The following L3MBTL4 variants were observed in gnomAD, a reference collection of about 807,000 sequenced individuals.
The protein encoded by L3MBTL4 is L3MBTL histone methyl-lysine binding protein 4.
A neutral mutation model predicts 84.5 loss-of-function variants in L3MBTL4; 70 were observed. The ratio of observed to expected loss-of-function variants is 0.83; its 90% CI spans 0.68 to 1.01. The LOEUF (loss-of-function observed/expected upper bound fraction) is 1.01. Ranked by LOEUF, L3MBTL4 falls within the 50% of genes least tolerant of loss-of-function variation. L3MBTL4 has a pLI of 0.00. For missense variants in L3MBTL4, 715 were observed against 754.8 expected (o/e 0.95, Z 0.62); for synonymous variants, 274 against 259.8 (o/e 1.05, Z -0.52).
At chr18:6,391,491 G>C (rs1483522241) in intron 1 of L3MBTL4, among the ~76,000 whole-genome samples, 1 of 152,016 alleles carries the variant, frequency 6.6e-6, no homozygotes, top group Non-Finnish European at 1.5e-5. Context: ...ATAGCAATCA[G>C]ACAAGAGAAA....
chr18:6,354,815 C>G (rs2053360580), intron 1 of L3MBTL4, among the ~76,000 whole-genome samples: 1 of 152,068 alleles, frequency 6.6e-6, no homozygotes, highest in African/African-American at 2.4e-5. Context: ...AAAGGGAACC[C>G]TCGTATACTG....
At chr18:6,177,494 T>TA (rs1485929743) in intron 12 of L3MBTL4, among the ~76,000 whole-genome samples, 4 of 152,204 alleles carry the variant, frequency 2.6e-5, no homozygotes, top group Admixed American at 2.0e-4. Context: ...GCTTCTGTGT[T>TA]GTTGGAAGTG....
At chr18:6,312,983 T>C (rs1212971545) in intron 1 of L3MBTL4, among the ~76,000 whole-genome samples, 1 of 152,196 alleles carries the variant, frequency 6.6e-6, no homozygotes, top group Non-Finnish European at 1.5e-5. Flanking sequence ...TCGTCCTTTC[T>C]GACCCCACTA....
Position 6,309,276 on chromosome 18 carries a change from G to A in L3MBTL4, c.72+2278C>T, listed in dbSNP as rs1305250750. Among the ~76,000 whole-genome samples the A allele has an allele frequency of 3.3e-5, 5 of 152,162 alleles. 1 individual carries two copies. Among genetic ancestry groups the A allele is most frequent in the African/African-American group, 9.7e-5 (4 of 41,450 alleles). On this transcript the variant is annotated intron_variant, in intron 3 of 18. Transcript: ENST00000317931. ...GAATGCAGCCCCAGGTGTGAATACA[G>A]CCTACTGTATTAAACTGTTAAATCT...
chr18:6,397,475 A>G (rs2055321022), intron 1 of L3MBTL4: 1 of 152,310 alleles, frequency 6.6e-6, no homozygotes, highest in South Asian at 2.1e-4. Flanking sequence ...CACTGTCCGA[A>G]GAGCCCAAAT....
Position 6,215,841 on chromosome 18 carries a change from A to AAT in L3MBTL4, c.785-8_785-7dup, listed in dbSNP as rs113267878. ...ATTTTCTGGATTGGGATAACCTGAA[A>AAT]ATATATATATATAAATAGCAAAAGA... On this transcript the variant is annotated splice_polypyrimidine_tract_variant and splice_region_variant and intron_variant, in intron 10 of 18. Transcript: ENST00000317931. 180 of 1,463,442 alleles carry AAT rather than the reference A, an allele frequency of 1.2e-4. No individual in the cohort carries two copies. Among genetic ancestry groups the AAT allele is most frequent in the Middle Eastern group, 1.8e-4 (1 of 5,636 alleles). The allele number at this position is 1,463,442 out of a possible 1,614,324, so 90.7% of individuals were successfully genotyped here.
At chr18:6,140,234 C>T (rs573583645) in intron 13 of L3MBTL4, among the ~76,000 whole-genome samples, 1 of 152,186 alleles carries the variant, frequency 6.6e-6, no homozygotes, top group Non-Finnish European at 1.5e-5. Context: ...TCCTCAGCCC[C>T]TTCTGAGGGG....
rs34294575 is a variant in L3MBTL4, at chr18:6,346,103, AATATATATATATATATAT to A, written c.-90-34065_-90-34048del. Among the ~76,000 whole-genome samples the A allele has an allele frequency of 6.0e-4, 78 of 129,818 alleles. 1 individual carries two copies. Among genetic ancestry groups the A allele is most frequent in the Non-Finnish European group, 5.5e-4 (33 of 60,076 alleles). The allele number at this position is 129,818 out of a possible 152,430, so 85.2% of individuals were successfully genotyped here. A position where few individuals can be genotyped will look rare whatever the true frequency, so the allele number is the denominator to read the frequency against. On this transcript the variant is annotated intron_variant, in intron 1 of 18. Transcript: ENST00000317931. ...CAGTCTCTTCAAGAAATGATGTTGG[AATATATATATATATATAT>A]ATATATATATATGGATGTATATATG...
chr18:6,061,777 T>A (rs1341325201), intron 16 of L3MBTL4, among the ~76,000 whole-genome samples: 1 of 151,952 alleles, frequency 6.6e-6, no homozygotes, highest in Non-Finnish European at 1.5e-5. Flanking sequence ...ATATCAATTA[T>A]ACTTCTAAAT....
At chr18:6,099,959 G>A (rs770836813) in intron 14 of L3MBTL4, among the ~76,000 whole-genome samples, 14 of 152,016 alleles carry the variant, frequency 9.2e-5, no homozygotes, top group South Asian at 4.2e-4. Flanking sequence ...GTGAAATCCT[G>A]GATATTATAA....
At chr18:6,316,326 A>G (rs1172313865) in intron 1 of L3MBTL4, among the ~76,000 whole-genome samples, 1 of 152,068 alleles carries the variant, frequency 6.6e-6, no homozygotes, top group Non-Finnish European at 1.5e-5. Flanking sequence ...AGGGACACCA[A>G]CTCCTAGGGG....
intron 14 of L3MBTL4, among the ~76,000 whole-genome samples, chr18:6,136,711 G>A (rs1252545228): frequency 6.6e-6 from 1 of 152,162 alleles, no homozygotes; most frequent in Non-Finnish European, 1.5e-5. Context: ...TTCTGTAATG[G>A]GGATCTTGAG....
At chr18:6,187,164 T>C (rs1293654821) in intron 12 of L3MBTL4, among the ~76,000 whole-genome samples, 2 of 152,228 alleles carry the variant, frequency 1.3e-5, no homozygotes, top group African/African-American at 4.8e-5. Flanking sequence ...GATGCTTGTT[T>C]TTAGCATATA....
rs545675952 is a variant in L3MBTL4, at chr18:5,992,675, C to T, written c.1445-23113G>A. Among the ~76,000 whole-genome samples the T allele has an allele frequency of 1.4e-4, 21 of 152,254 alleles. No individual in the cohort carries two copies. In the South Asian group the frequency reaches 1.5e-3, roughly 11 times the overall value. On this transcript the variant is annotated intron_variant, in intron 16 of 18. Transcript: ENST00000317931. ...AGTGAGCTCTCACTCTGAGTTCACA[C>T]GAGATGTGGTCATTTAAAAGTGTGT...
intron 3 of L3MBTL4, among the ~76,000 whole-genome samples, 156 bp downstream of exon 3, chr18:6,311,398 T>C (rs1234747441): frequency 6.6e-6 from 1 of 151,752 alleles, no homozygotes; most frequent in Non-Finnish European, 1.5e-5. Flanking sequence ...AGAACACTTA[T>C]ATTCTATACC....
At chr18:6,277,238 GTAAC>G (rs1205511680) in intron 4 of L3MBTL4, among the ~76,000 whole-genome samples, 1 of 151,976 alleles carries the variant, frequency 6.6e-6, no homozygotes, top group Non-Finnish European at 1.5e-5. Flanking sequence ...GTATACATAT[GTAAC>G]TAACCTGCAC....
At position 6,070,674 on chromosome 18, in the gene L3MBTL4, C is replaced by CA. The variant is rs199705016; in HGVS notation, c.1444+10206dup. Among the ~76,000 whole-genome samples, 1,108 of 150,694 alleles carry CA rather than the reference C, an allele frequency of 7.4e-3. 9 individuals are homozygous for CA. Among genetic ancestry groups the CA allele is most frequent in the Non-Finnish European group, 8.9e-3 (603 of 67,650 alleles). On this transcript the variant is annotated intron_variant, in intron 16 of 18. Transcript: ENST00000317931. Reference sequence around the variant, plus strand: ...TTTACAAAAAACAAAAAACAAAAAACAAAAAAAACAAAAATTAGCCGGGCA... The same window carrying CA: ...TTTACAAAAAACAAAAAACAAAAAACAAAAAAAAACAAAAATTAGCCGGGCA...
At chr18:6,286,680 G>A (rs2049605648) in intron 4 of L3MBTL4, among the ~76,000 whole-genome samples, 1 of 152,052 alleles carries the variant, frequency 6.6e-6, no homozygotes, top group African/African-American at 2.4e-5. Flanking sequence ...CAGAAGCAAG[G>A]TTCCAAAGCT....
At chr18:6,263,073 G>A (rs1261031145) in intron 5 of L3MBTL4, among the ~76,000 whole-genome samples, 1 of 152,098 alleles carries the variant, frequency 6.6e-6, no homozygotes, top group African/African-American at 2.4e-5. Flanking sequence ...AGGAGATGGA[G>A]ACCACCCTGG....
Sources: allele counts gnomAD v4.1 joint callset (sites outside exome capture counted in the v4.1 genomes callset), GRCh38; gene constraint gnomAD v4.1.1; transcripts MANE v1.5; gene names NCBI Gene and HGNC (gene_info 2026-07-23, HGNC 2026-07-21).